USP28: variants seen among roughly 807,000 people sequenced by gnomAD.
The protein encoded by USP28 is ubiquitin carboxyl-terminal hydrolase 28.
Under a neutral mutation model 145.0 loss-of-function variants are expected in USP28, and 113 were observed. That is an observed-to-expected ratio of 0.78 (90% confidence interval 0.67 to 0.91). USP28 has a LOEUF of 0.91. Ranked by LOEUF, USP28 falls within the 40% of genes least tolerant of loss-of-function variation. USP28 has a pLI of 0.00. For synonymous variants in USP28, 447 were observed against 450.9 expected (o/e 0.99, Z 0.11); for missense variants, 1,201 against 1,289.6 (o/e 0.93, Z 1.05).
At chr11:113,799,569 G>A (rs910563438) in intron 24 of USP28, among the ~76,000 whole-genome samples, 154 bp from the exon 26 acceptor site, 3 of 152,142 alleles carry the variant, frequency 2.0e-5, no homozygotes, top group Non-Finnish European at 4.4e-5. Flanking sequence ...GCCAAACCAG[G>A]AGCAAAGGCA....
Position 113,823,701 on chromosome 11 carries a change from CT to C in USP28, c.1188-2del. 6.3e-7 allele frequency: 1 copy of C among 1,595,898 alleles called. No individual in the cohort carries two copies. The highest frequency in any genetic ancestry group is 1.7e-5 in the Admixed American group (1 of 57,582). On this transcript the variant is annotated splice_acceptor_variant, in intron 11 of 24. Coordinates refer to ENST00000003302, the Ensembl canonical transcript of USP28. LOFTEE classifies it high-confidence loss of function. ...AAGCTCCTTGCTCCTGTACATGTAC[CT>C]AAGTAAATAATCCCACAAACACAAT...
At chr11:113,853,433 T>C (rs1322645380) in intron 2 of USP28, among the ~76,000 whole-genome samples, 1 of 151,840 alleles carries the variant, frequency 6.6e-6, no homozygotes, top group Non-Finnish European at 1.5e-5. Flanking sequence ...CAGAACCCCA[T>C]GTACCTATCA....
chr11:113,815,258 G>C, exon 14 of USP28: 1 of 1,614,176 alleles, frequency 6.2e-7, no homozygotes, highest in Non-Finnish European at 8.5e-7. Flanking sequence ...ACTGTTCGTG[G>C]AGCTGGCTGT....
chr11:113,828,805 G>A, intron 10 of USP28: 1 of 399,672 alleles, frequency 2.5e-6, no homozygotes, highest in South Asian at 1.9e-5. Context: ...ATTGAGAACA[G>A]TAAATACTAT....
At chr11:113,814,824 A>G (rs938839160) in intron 14 of USP28, among the ~76,000 whole-genome samples, 2 of 152,022 alleles carry the variant, frequency 1.3e-5, no homozygotes, top group African/African-American at 4.8e-5. Flanking sequence ...CAAGGCAGGC[A>G]GATCAGTTTT....
intron 8 of USP28, 80 bp downstream of exon 8, chr11:113,831,837 TAAG>T: frequency 1.5e-6 from 2 of 1,367,628 alleles, no homozygotes; most frequent in Non-Finnish European, 2.0e-6. Flanking sequence ...AATTTCTAGT[TAAG>T]GAGAGTAACT....
exon 9 of USP28, chr11:113,830,877 C>G: frequency 6.2e-7 from 1 of 1,613,710 alleles, no homozygotes; most frequent in Non-Finnish European, 8.5e-7. Context: ...CTTCACGAAC[C>G]CCTTCAGTCA....
chr11:113,866,622 T>C (rs1321327151), intron 1 of USP28, among the ~76,000 whole-genome samples: 6 of 152,162 alleles, frequency 3.9e-5, no homozygotes, highest in Admixed American at 3.9e-4. Flanking sequence ...AGGATGACTG[T>C]TATCTAACAA....
At chr11:113,858,727 A>C (rs1360559360) in intron 1 of USP28, among the ~76,000 whole-genome samples, 1 of 152,204 alleles carries the variant, frequency 6.6e-6, no homozygotes, top group African/African-American at 2.4e-5. Flanking sequence ...CTCCTGCCTC[A>C]GCCACCTGAG....
chr11:113,838,793 A>G (rs1944867076), intron 5 of USP28, among the ~76,000 whole-genome samples: 1 of 152,230 alleles, frequency 6.6e-6, no homozygotes, highest in African/African-American at 2.4e-5. Flanking sequence ...CCATGAGAGT[A>G]CGGGCTTTGT....
At chr11:113,852,631 G>A (rs763722077) in exon 3 of USP28, 1 of 1,613,470 alleles carries the variant, frequency 6.2e-7, no homozygotes, top group South Asian at 1.1e-5. Flanking sequence ...CACCATTACT[G>A]GCCTATGGGA....
At chr11:113,855,270 C>CTT (rs35708899) in intron 1 of USP28, among the ~76,000 whole-genome samples, 11,378 of 152,228 alleles carry the variant, frequency 0.075, 490 homozygotes, top group Non-Finnish European at 0.09. Flanking sequence ...CCCCTTCAGC[C>CTT]TTAACATCTT....
chr11:113,841,552 A>G (rs1414703645), intron 4 of USP28, 111 bp downstream of exon 4: 3 of 672,744 alleles, frequency 4.5e-6, no homozygotes, highest in Non-Finnish European at 7.4e-6. Flanking sequence ...CTCCTAAAAG[A>G]AATGTCATTC....
At chr11:113,838,785 A>G (rs1012455576) in intron 5 of USP28, among the ~76,000 whole-genome samples, 2 of 152,266 alleles carry the variant, frequency 1.3e-5, no homozygotes, top group African/African-American at 4.8e-5. Flanking sequence ...AAAGTAAACC[A>G]TGAGAGTACG....
intron 1 of USP28, among the ~76,000 whole-genome samples, chr11:113,864,886 GTC>G (rs1375299149): frequency 1.3e-5 from 2 of 152,118 alleles, no homozygotes; most frequent in Non-Finnish European, 1.5e-5. Context: ...GATGGGGTCT[GTC>G]TCTGTCACCC....
exon 20 of USP28, chr11:113,804,950 A>C: frequency 2.5e-6 from 4 of 1,614,188 alleles, no homozygotes; most frequent in Non-Finnish European, 2.5e-6. Flanking sequence ...TCATTTTGGA[A>C]AAAGTAGACA....
At chr11:113,838,972 G>A (rs1271596610) in intron 5 of USP28, among the ~76,000 whole-genome samples, 1 of 152,174 alleles carries the variant, frequency 6.6e-6, no homozygotes, top group Non-Finnish European at 1.5e-5. Context: ...GGTTGCATTG[G>A]GGCTATGTAA....
At chr11:113,845,306 G>A (rs1166909486) in intron 3 of USP28, among the ~76,000 whole-genome samples, 2 of 151,436 alleles carry the variant, frequency 1.3e-5, no homozygotes, top group Non-Finnish European at 2.9e-5. Flanking sequence ...AGGCGTGGTG[G>A]GACATGCCTG....
chr11:113,821,297 G>A (rs1286126521), intron 12 of USP28: 6 of 224,868 alleles, frequency 2.7e-5, no homozygotes, highest in Non-Finnish European at 2.0e-5. Flanking sequence ...CTCCGCTGTA[G>A]CTGACAGTGC....
Sources: gnomAD v4.1 joint callset for allele counts (sites outside exome capture counted in the v4.1 genomes callset) on GRCh38, gnomAD v4.1.1 for gene constraint, MANE v1.5 for transcripts, NCBI Gene and HGNC (gene_info 2026-07-23, HGNC 2026-07-21) for gene names.